The following ABL1 variants were observed in gnomAD, a reference collection of about 807,000 sequenced individuals.
ABL1 encodes the protein ABL proto-oncogene 1, non-receptor tyrosine kinase, also known as tyrosine-protein kinase ABL1.
In ABL1, 11 loss-of-function variants were observed where a neutral mutation model predicts 94.7. The ratio of observed to expected loss-of-function variants is 0.12; its 90% CI spans 0.07 to 0.19. The LOEUF (loss-of-function observed/expected upper bound fraction) is 0.19. Ranked by LOEUF, ABL1 falls within the 10% of genes least tolerant of loss-of-function variation. The pLI, the probability that ABL1 is intolerant of heterozygous loss-of-function variation, is 1.00. For missense variants in ABL1, 1,082 were observed against 1,489.4 expected (o/e 0.73, Z 4.50); for synonymous variants, 656 against 622.4 (o/e 1.05, Z -0.80).
chr9:130,735,891 GTATATA>G (rs1831728770), intron 1 of ABL1, among the ~76,000 whole-genome samples: 1 of 103,978 alleles, frequency 9.6e-6, no homozygotes, highest in Non-Finnish European at 1.7e-5. Context: ...ATGTCTGTGT[GTATATA>G]TATGTGTGTG....
At chr9:130,792,325 C>T (rs941538102) in intron 1 of ABL1, among the ~76,000 whole-genome samples, 1 of 152,300 alleles carries the variant, frequency 6.6e-6, no homozygotes, top group African/African-American at 2.4e-5. Flanking sequence ...TTACTTTCTG[C>T]CCTTCAAGTT....
intron 3 of ABL1, among the ~76,000 whole-genome samples, chr9:130,856,570 A>T (rs1215026079): frequency 1.3e-5 from 2 of 152,238 alleles, no homozygotes. Flanking sequence ...AAAAAAAATC[A>T]AAAGAACAAA....
chr9:130,852,864 TA>T lies in ABL1; in HGVS notation c.80-1189del, dbSNP rs369660727. Reference sequence around the variant, plus strand: ...TCTGTAATAATAATTGCCACAAGGTTAAAAAAAAAAATTTACAGAAGAACAT... The same window carrying T: ...TCTGTAATAATAATTGCCACAAGGTTAAAAAAAAAATTTACAGAAGAACAT... On this transcript the variant is annotated intron_variant, in intron 1 of 10. Coordinates refer to ENST00000318560, the MANE Select transcript of ABL1 (RefSeq NM_005157.6). Among the ~76,000 whole-genome samples, 129 of 149,406 alleles carry T rather than the reference TA, an allele frequency of 8.6e-4. 2 individuals are homozygous for T. Among genetic ancestry groups the T allele is most frequent in the Admixed American group, 3.2e-3 (48 of 14,990 alleles).
upstream of ABL1, chr9:130,834,906 C>T (rs1006194023): frequency 4.4e-6 from 2 of 455,906 alleles, no homozygotes; most frequent in Non-Finnish European, 8.8e-6. Context: ...CCTGGCACCG[C>T]GTACTGGGAA....
chr9:130,878,645 A>G (rs11792273), intron 8 of ABL1, 78 bp downstream of exon 8: 115,103 of 1,533,956 alleles, frequency 0.075, 5,139 homozygotes, highest in African/African-American at 0.18. Flanking sequence ...TGTGTACACA[A>G]AGTTGAAAGT....
intron 1 of ABL1, among the ~76,000 whole-genome samples, chr9:130,770,950 A>G (rs2132766622): frequency 6.6e-6 from 1 of 152,330 alleles, no homozygotes; most frequent in East Asian, 1.9e-4. Flanking sequence ...GAAGGAACAG[A>G]TAATATCTCA....
chr9:130,764,996 T>C (rs980984896), intron 1 of ABL1, among the ~76,000 whole-genome samples: 4 of 152,004 alleles, frequency 2.6e-5, no homozygotes, highest in East Asian at 1.9e-4. Flanking sequence ...AAGTAGAATT[T>C]GTAGTGTGCT....
intron 1 of ABL1, among the ~76,000 whole-genome samples, chr9:130,817,575 C>A (rs377711124): frequency 5.3e-5 from 8 of 152,298 alleles, no homozygotes; most frequent in African/African-American, 1.7e-4. Flanking sequence ...AGGGTGGACG[C>A]GTCAGGTTGT....
At chr9:130,871,993 C>A in intron 4 of ABL1, 136 bp from the exon 5 acceptor site, 1 of 685,358 alleles carries the variant, frequency 1.5e-6, no homozygotes, top group African/African-American at 1.8e-5. Flanking sequence ...AACCTGTCTG[C>A]AGCAATGTGG....
chr9:130,869,538 G>T (rs1236620293), intron 4 of ABL1, among the ~76,000 whole-genome samples: 1 of 152,204 alleles, frequency 6.6e-6, no homozygotes, highest in African/African-American at 2.4e-5. Context: ...CGCCCAGAAT[G>T]TTCATCTGCA....
intron 1 of ABL1, among the ~76,000 whole-genome samples, chr9:130,823,360 T>G (rs1830388328): frequency 6.6e-6 from 1 of 152,112 alleles, no homozygotes; most frequent in African/African-American, 2.4e-5. Flanking sequence ...AACAAAAGAT[T>G]GATTTGGGGA....
chr9:130,726,379 C>T (rs1831586347), intron 1 of ABL1, among the ~76,000 whole-genome samples: 1 of 152,128 alleles, frequency 6.6e-6, no homozygotes. Flanking sequence ...TTAGCACCAT[C>T]GATTAGTTTC....
chr9:130,833,101 A>C (rs1588257502), upstream of ABL1, among the ~76,000 whole-genome samples: 1 of 151,798 alleles, frequency 6.6e-6, no homozygotes, highest in East Asian at 1.9e-4. Context: ...ATTAGCTTAA[A>C]AAAATAAACA....
In ABL1 at chr9:130,714,142, C is replaced by G. The variant is rs1831406196; in HGVS notation, c.-178C>G. ...GGAACTCCTGCTTGCAAGTGTCAAC[C>G]TAAAAAAAGTGCTTCCTTTTGTTAT... On this transcript the variant is annotated 5_prime_UTR_variant, in exon 1 of 11. Transcript: ENST00000372348. The G allele has an allele frequency of 1.6e-5, 8 of 508,054 alleles. No individual in the cohort carries two copies. The East Asian group carries it at 2.7e-4, about 17-fold the overall frequency. The allele number at this position is 508,054 out of a possible 1,614,324, so 31.5% of individuals were successfully genotyped here. A position where few individuals can be genotyped will look rare whatever the true frequency, so the allele number is the denominator to read the frequency against.
At chr9:130,731,955 A>G (rs1375878866) in intron 1 of ABL1, among the ~76,000 whole-genome samples, 1 of 151,612 alleles carries the variant, frequency 6.6e-6, no homozygotes, top group Admixed American at 6.6e-5. Context: ...ATTCCTGTCA[A>G]TTGTTTCAAA....
chr9:130,821,383 A>G (rs1165143471), intron 1 of ABL1, among the ~76,000 whole-genome samples: 1 of 152,130 alleles, frequency 6.6e-6, no homozygotes, highest in African/African-American at 2.4e-5. Context: ...ATGAAGTTTT[A>G]TACAATATAT....
At chr9:130,878,310 G>A in intron 7 of ABL1, 105 bp from the exon 8 acceptor site, 2 of 1,341,014 alleles carry the variant, frequency 1.5e-6, no homozygotes, top group Non-Finnish European at 2.1e-6. Flanking sequence ...GGCTGCTGCT[G>A]GGGCCATCCC....
At chr9:130,759,723 C>T (rs1008422086) in intron 1 of ABL1, among the ~76,000 whole-genome samples, 1 of 152,130 alleles carries the variant, frequency 6.6e-6, no homozygotes, top group Non-Finnish European at 1.5e-5. Context: ...GAGACCATGT[C>T]TCAGTGGTGG....
intron 1 of ABL1, among the ~76,000 whole-genome samples, chr9:130,741,099 C>T (rs1183323267): frequency 6.6e-6 from 1 of 152,138 alleles, no homozygotes; most frequent in African/African-American, 2.4e-5. Context: ...CACATCCCTG[C>T]TCCTGGGATA....
Sources: allele counts gnomAD v4.1 joint callset (sites outside exome capture counted in the v4.1 genomes callset), GRCh38; gene constraint gnomAD v4.1.1; transcripts MANE v1.5; gene names NCBI Gene and HGNC (gene_info 2026-07-23, HGNC 2026-07-21).